Variants in GNPNAT1 observed in about 807,000 individuals in gnomAD.
GNPNAT1 encodes glucosamine-phosphate N-acetyltransferase 1.
In GNPNAT1, 11 loss-of-function variants were observed where a neutral mutation model predicts 19.8. The ratio of observed to expected loss-of-function variants is 0.56; its 90% CI spans 0.35 to 0.92. GNPNAT1 has a LOEUF of 0.92. Among genes scored for constraint, GNPNAT1 ranks in the 40% least tolerant of loss-of-function variants. GNPNAT1 has a pLI of 0.01. For synonymous variants in GNPNAT1, 71 were observed against 72.3 expected (o/e 0.98, Z 0.09); for missense variants, 157 against 211.0 (o/e 0.74, Z 1.59).
intron 1 of GNPNAT1, among the ~76,000 whole-genome samples, chr14:52,789,944 T>G (rs1883119994): frequency 9.2e-6 from 1 of 108,354 alleles, no homozygotes; most frequent in Non-Finnish European, 1.8e-5. Context: ...GAATAACGAA[T>G]AAGACTTACC....
chr14:52,787,535 G>C (rs1883050482), intron 1 of GNPNAT1, among the ~76,000 whole-genome samples: 1 of 152,082 alleles, frequency 6.6e-6, no homozygotes, highest in Admixed American at 6.6e-5. Context: ...ACTTGCCCAA[G>C]GTCACAAAAT....
intron 3 of GNPNAT1, 127 bp downstream of exon 3, chr14:52,783,296 C>T: frequency 1.6e-6 from 1 of 615,502 alleles, no homozygotes; most frequent in Non-Finnish European, 2.9e-6. Context: ...TTGTATAAAA[C>T]AGCTAATTTG....
chr14:52,778,235 G>T lies in GNPNAT1; in HGVS notation c.*76C>A. ...TATTTATGGAGGTCACTCGGCTGCA[G>T]CAACAAAATATTTCAACTCTAGGAA... On this transcript the variant is annotated 3_prime_UTR_variant, in exon 6 of 6. Transcript: ENST00000216410. 1.7e-6 allele frequency: 2 copies of T among 1,161,834 alleles called. No individual in the cohort carries two copies. Among genetic ancestry groups the T allele is most frequent in the Non-Finnish European group, 2.4e-6 (2 of 833,904 alleles). 72.0% of individuals were successfully genotyped at this position (1,161,834 alleles called of 1,614,324 possible).
Position 52,783,653 on chromosome 14 carries a change from A to G in GNPNAT1, c.155-168T>C, listed in dbSNP as rs139009465. Among the ~76,000 whole-genome samples, 221 of 152,264 alleles carry G rather than the reference A, an allele frequency of 1.5e-3. 1 individual carries two copies. Among genetic ancestry groups the G allele is most frequent in the African/African-American group, 5.2e-3 (216 of 41,582 alleles). ...AACCCTATTCTTCTATAATCACTAC[A>G]TATAACAAAAATAACAGGTTTTACC... On this transcript the variant is annotated intron_variant, in intron 2 of 5. Transcript: ENST00000216410.
At chr14:52,783,164 C>A (rs1051114504) in intron 3 of GNPNAT1, among the ~76,000 whole-genome samples, 2 of 151,904 alleles carry the variant, frequency 1.3e-5, no homozygotes, top group Non-Finnish European at 2.9e-5. Flanking sequence ...AAACGAAAAA[C>A]CTCTAGAGCT....
At chr14:52,779,739 A>AAAAC (rs1882841206) in intron 5 of GNPNAT1, among the ~76,000 whole-genome samples, 1 of 150,324 alleles carries the variant, frequency 6.7e-6, no homozygotes, top group Non-Finnish European at 1.5e-5. Context: ...AAAAAAAAAA[A>AAAAC]AAAAAAAAAA....
rs546481689 is a variant in GNPNAT1, at chr14:52,780,125, A to G, written c.407+554T>C. On this transcript the variant is annotated intron_variant, in intron 5 of 5. Coordinates refer to ENST00000216410, the MANE Select transcript of GNPNAT1 (RefSeq NM_198066.4). Reference sequence around the variant, plus strand: ...GGCTGCAGTGAGCTGAGATTGAGCCACTGCACCTCAGCCTGGGTGACAGAG... The same window carrying G: ...GGCTGCAGTGAGCTGAGATTGAGCCGCTGCACCTCAGCCTGGGTGACAGAG... 9.8e-5 allele frequency among the ~76,000 whole-genome samples: 15 copies of G among 152,324 alleles called. 2 individuals carry two copies. In the East Asian group the frequency reaches 2.5e-3, roughly 25 times the overall value.
At chr14:52,789,059 G>C (rs1440039124) in intron 1 of GNPNAT1, among the ~76,000 whole-genome samples, 1 of 152,146 alleles carries the variant, frequency 6.6e-6, no homozygotes, top group Non-Finnish European at 1.5e-5. Flanking sequence ...TAAGGAAGCA[G>C]GCACAGTAAC....
rs200614465 is a variant in GNPNAT1, at chr14:52,778,328, G to A, written c.538C>T (p.Arg180Trp). 1.2e-5 allele frequency: 19 copies of A among 1,589,934 alleles called. No individual in the cohort carries two copies. The highest frequency in any genetic ancestry group is 1.4e-5 in the Non-Finnish European group (17 of 1,173,338). The change falls in exon 6 of 6, where the codon CGG (arginine) becomes TGG (tryptophan). Residue 180 changes from arginine (R) to tryptophan (W), a missense_variant. By Grantham distance (101) the Arg-to-Trp change is moderately radical (BLOSUM62 -3). Transcript: ENST00000216410. The part of the protein sequence containing the change: ...YTVSEENYMC[R>W]RFLK The stretch of plus-strand genomic sequence containing the variant: ...CAAGATTTTTACTTTAGAAACCTCC[G>A]ACACATGTAGTTTTCTTCAGATACA...
intron 1 of GNPNAT1, among the ~76,000 whole-genome samples, chr14:52,785,166 G>C (rs1052684475): frequency 6.6e-6 from 1 of 151,776 alleles, no homozygotes; most frequent in African/African-American, 2.4e-5. Flanking sequence ...GACCTCAGGT[G>C]ATCTGCCCGC....
intron 2 of GNPNAT1, among the ~76,000 whole-genome samples, chr14:52,784,022 C>T (rs1882954174): frequency 6.6e-6 from 1 of 152,024 alleles, no homozygotes; most frequent in South Asian, 2.1e-4. Flanking sequence ...AAAATTAGGC[C>T]CTTCAGGCTG....
chr14:52,784,722 G>T, intron 1 of GNPNAT1, 58 bp from the exon 2 acceptor site: 1 of 701,928 alleles, frequency 1.4e-6, no homozygotes, highest in Non-Finnish European at 2.2e-6. Context: ...AATTATGATT[G>T]TTGAGAAAGT....
chr14:52,780,801 G>T, intron 4 of GNPNAT1, 61 bp from the exon 5 acceptor site: 1 of 1,019,670 alleles, frequency 9.8e-7, no homozygotes. Flanking sequence ...GCTAAAACGA[G>T]TTGGTAAGAA....
chr14:52,784,437 A>G, intron 2 of GNPNAT1, 60 bp downstream of exon 2: 1 of 1,327,052 alleles, frequency 7.5e-7, no homozygotes, highest in Non-Finnish European at 1.0e-6. Context: ...TATCTGCATC[A>G]TAATGTTTAG....
chr14:52,784,332 G>T (rs1882961268), intron 2 of GNPNAT1, among the ~76,000 whole-genome samples, 165 bp downstream of exon 2: 1 of 152,040 alleles, frequency 6.6e-6, no homozygotes, highest in Admixed American at 6.6e-5. Flanking sequence ...TTTGGTCTTA[G>T]CCATGACACA....
In GNPNAT1 at chr14:52,780,533, AT is replaced by A. The variant is rs535317358; in HGVS notation, c.407+145del. On this transcript the variant is annotated intron_variant, in intron 5 of 5. Coordinates refer to ENST00000216410, the MANE Select transcript of GNPNAT1 (RefSeq NM_198066.4). ...GGCAAAATATGTATAATAATACTTT[AT>A]TTCTTCATGAAATTCAGTCTAAACT... 444 of 587,974 alleles carry A rather than the reference AT, an allele frequency of 7.6e-4. 1 individual carries two copies. In the African/African-American group the frequency reaches 7.6e-3, roughly 10 times the overall value. The allele number at this position is 587,974 out of a possible 1,614,324, so 36.4% of individuals were successfully genotyped here.
rs1415052729 is a variant in GNPNAT1 at position 52,776,207 on chromosome 14, C to T, written c.*2104G>A. The T allele has an allele frequency of 6.6e-6, 1 of 152,008 alleles. No homozygotes were observed. The highest frequency in any genetic ancestry group is 1.5e-5 in the Non-Finnish European group (1 of 68,076). 9.4% of individuals were successfully genotyped at this position (152,008 alleles called of 1,614,324 possible). A position where few individuals can be genotyped will look rare whatever the true frequency, so the allele number is the denominator to read the frequency against. On this transcript the variant is annotated 3_prime_UTR_variant, in exon 6 of 6. Coordinates refer to ENST00000216410, the MANE Select transcript of GNPNAT1 (RefSeq NM_198066.4). ...AACAAAAGGCTATCTATTGTGGGTACACTGCCTATGGGGTAGTCCTGCTCC... is the reference window on the plus strand; with the variant it reads ...AACAAAAGGCTATCTATTGTGGGTATACTGCCTATGGGGTAGTCCTGCTCC...
In GNPNAT1 at chr14:52,776,999, A is replaced by AG. The variant is rs2139956236; in HGVS notation, c.*1311dup. On this transcript the variant is annotated 3_prime_UTR_variant, in exon 6 of 6. Coordinates refer to ENST00000216410, the MANE Select transcript of GNPNAT1 (RefSeq NM_198066.4). Reference sequence around the variant, plus strand: ...GAAGGACAGATCAGTTCGTCTGTATAGGCTATAAGCAGGTAAGTAGTGCAC... The same window carrying AG: ...GAAGGACAGATCAGTTCGTCTGTATAGGGCTATAAGCAGGTAAGTAGTGCAC... 6.6e-6 allele frequency: 1 copy of AG among 152,386 alleles called. No individual in the cohort carries two copies. The highest frequency in any genetic ancestry group is 2.1e-4 in the South Asian group (1 of 4,834). The allele number at this position is 152,386 out of a possible 1,614,324, so 9.4% of individuals were successfully genotyped here. A position where few individuals can be genotyped will look rare whatever the true frequency, so the allele number is the denominator to read the frequency against.
chr14:52,785,770 G>A (rs181611859), intron 1 of GNPNAT1, among the ~76,000 whole-genome samples: 2 of 145,634 alleles, frequency 1.4e-5, no homozygotes, highest in African/African-American at 2.5e-5. Flanking sequence ...TTTTTGAGAT[G>A]GAGTTTCGCT....
Sources: gnomAD v4.1 joint callset for allele counts (sites outside exome capture counted in the v4.1 genomes callset) on GRCh38, gnomAD v4.1.1 for gene constraint, MANE v1.5 for transcripts, NCBI Gene and HGNC (gene_info 2026-07-23, HGNC 2026-07-21) for gene names.